The following CSMD1 variants were observed in gnomAD, a reference collection of about 807,000 sequenced individuals.
The protein encoded by CSMD1 is CUB and Sushi multiple domains 1.
In CSMD1, 213 loss-of-function variants were observed where a neutral mutation model predicts 417.5. The observed-to-expected ratio is 0.51, with a 90% confidence interval of 0.46 to 0.57. The LOEUF is 0.57. Among genes scored for constraint, CSMD1 ranks in the 20% least tolerant of loss-of-function variants. The pLI is 0.00. For synonymous variants in CSMD1, 2,862 were observed against 1,736.8 expected (o/e 1.65, Z -16.11); for missense variants, 6,923 against 4,529.7 (o/e 1.53, Z -15.17).
chr8:3,979,706 G>C (rs1056509335), intron 5 of CSMD1, among the ~76,000 whole-genome samples: 2 of 152,220 alleles, frequency 1.3e-5, no homozygotes, highest in Non-Finnish European at 2.9e-5. Flanking sequence ...TGCGTACCCA[G>C]AACTGAATAA....
chr8:4,211,062 A>G lies in CSMD1; in HGVS notation c.416-178963T>C, dbSNP rs551272803. The stretch of plus-strand genomic sequence containing the variant: ...ATACAAACACATTTCCTTCCTTAAG[A>G]AATTCATGTTCACATATCATTGTAC... On this transcript the variant is annotated intron_variant, in intron 3 of 69. Coordinates refer to ENST00000635120, the MANE Select transcript of CSMD1 (RefSeq NM_033225.6). Among the ~76,000 whole-genome samples the G allele has an allele frequency of 2.2e-4, 33 of 152,352 alleles. 1 individual carries two copies. Among genetic ancestry groups the G allele is most frequent in the African/African-American group, 7.0e-4 (29 of 41,588 alleles).
rs191604154 is a variant in CSMD1 at position 3,012,109 on chromosome 8, G to A, written c.8029+6368C>T. Among the ~76,000 whole-genome samples, 139 of 152,280 alleles carry A rather than the reference G, an allele frequency of 9.1e-4. 1 individual carries two copies. Among genetic ancestry groups the A allele is most frequent in the African/African-American group, 3.2e-3 (132 of 41,556 alleles). On this transcript the variant is annotated intron_variant, in intron 52 of 69. Coordinates refer to ENST00000635120, the MANE Select transcript of CSMD1 (RefSeq NM_033225.6). Reference sequence around the variant, plus strand: ...TCCCAGTAATAACGCAGGAGTGATCGTGTTGATGAAGGTGGGCTAAATTTT... The same window carrying A: ...TCCCAGTAATAACGCAGGAGTGATCATGTTGATGAAGGTGGGCTAAATTTT...
At chr8:4,092,601 C>G (rs147900756) in intron 3 of CSMD1, among the ~76,000 whole-genome samples, 1 of 152,156 alleles carries the variant, frequency 6.6e-6, no homozygotes, top group African/African-American at 2.4e-5. Context: ...AGCATATCAT[C>G]TTAAGCAATT....
intron 5 of CSMD1, among the ~76,000 whole-genome samples, chr8:3,770,399 C>T (rs752884968): frequency 3.0e-4 from 46 of 152,102 alleles, no homozygotes; most frequent in Non-Finnish European, 5.9e-4. Context: ...CACGGTGGTG[C>T]GTGCCTGTAA....
chr8:4,119,902 G>C (rs979723736), intron 3 of CSMD1, among the ~76,000 whole-genome samples: 6 of 152,144 alleles, frequency 3.9e-5, no homozygotes, highest in Non-Finnish European at 7.3e-5. Context: ...GCCGGAGTCT[G>C]GTAAGGGTAG....
At chr8:4,780,438 TAC>T (rs1797095582) in intron 1 of CSMD1, among the ~76,000 whole-genome samples, 1 of 152,170 alleles carries the variant, frequency 6.6e-6, no homozygotes, top group African/African-American at 2.4e-5. Context: ...TCTGTCTGTC[TAC>T]CTACCTACCT....
intron 3 of CSMD1, among the ~76,000 whole-genome samples, chr8:4,083,109 T>C (rs982343058): frequency 2.6e-5 from 4 of 152,122 alleles, no homozygotes; most frequent in South Asian, 2.1e-4. Flanking sequence ...GCATGATTTA[T>C]AGTCCTTTTA....
At chr8:3,864,346 T>C (rs182799023) in intron 5 of CSMD1, among the ~76,000 whole-genome samples, 7 of 125,150 alleles carry the variant, frequency 5.6e-5, no homozygotes, top group African/African-American at 1.2e-4. Context: ...AGACGATGCA[T>C]AGATAACCAC....
intron 1 of CSMD1, among the ~76,000 whole-genome samples, chr8:4,991,034 T>A (rs193251428): frequency 6.6e-6 from 1 of 152,284 alleles, no homozygotes; most frequent in East Asian, 1.9e-4. Context: ...AGTAGTGTTG[T>A]GTGTGCTCTC....
rs1199864472 is a variant in CSMD1 at position 3,926,088 on chromosome 8, C to A, written c.818+71815G>T. 1.9e-4 allele frequency among the ~76,000 whole-genome samples: 6 copies of A among 31,238 alleles called. No individual in the cohort carries two copies. In the African/African-American group the frequency reaches 2.5e-3, roughly 13 times the overall value. The allele number at this position is 31,238 out of a possible 152,430, so 20.5% of individuals were successfully genotyped here. A position where few individuals can be genotyped will look rare whatever the true frequency, so the allele number is the denominator to read the frequency against. On this transcript the variant is annotated intron_variant, in intron 5 of 69. Coordinates refer to ENST00000635120, the MANE Select transcript of CSMD1 (RefSeq NM_033225.6). ...CACACACACACAAACACCATACACACACACACACACACACACACACACACA... is the reference window on the plus strand; with the variant it reads ...CACACACACACAAACACCATACACAAACACACACACACACACACACACACA...
intron 7 of CSMD1, among the ~76,000 whole-genome samples, chr8:3,687,157 C>A (rs546009560): frequency 8.7e-4 from 132 of 152,366 alleles, no homozygotes; most frequent in African/African-American, 3.1e-3. Flanking sequence ...AAGCATCACA[C>A]CTCTGAACGC....
intron 3 of CSMD1, among the ~76,000 whole-genome samples, chr8:4,207,932 C>G (rs1489959550): frequency 1.3e-5 from 2 of 152,068 alleles, no homozygotes; most frequent in Admixed American, 1.3e-4. Flanking sequence ...TAGTCTATTT[C>G]TTCCATGCCT....
chr8:4,219,832 G>C (rs950736258), intron 3 of CSMD1, among the ~76,000 whole-genome samples: 6 of 152,154 alleles, frequency 3.9e-5, no homozygotes, highest in African/African-American at 1.4e-4. Context: ...TTATCTGTAA[G>C]TTACTTTTAT....
chr8:4,960,351 A>G (rs1026907982), intron 1 of CSMD1, among the ~76,000 whole-genome samples: 12 of 152,202 alleles, frequency 7.9e-5, no homozygotes, highest in Admixed American at 3.9e-4. Context: ...TTAGAAGAGA[A>G]TAAGAAATAT....
intron 43 of CSMD1, among the ~76,000 whole-genome samples, chr8:3,109,406 G>A (rs908767838): frequency 2.0e-5 from 3 of 152,178 alleles, no homozygotes; most frequent in Non-Finnish European, 2.9e-5. Flanking sequence ...TTTCATTGTG[G>A]TCAACCTAAT....
intron 5 of CSMD1, among the ~76,000 whole-genome samples, chr8:3,862,510 C>T (rs776111599): frequency 6.6e-6 from 1 of 152,170 alleles, no homozygotes; most frequent in African/African-American, 2.4e-5. Context: ...CCAGACCTTA[C>T]AACTGTTTGC....
intron 7 of CSMD1, among the ~76,000 whole-genome samples, chr8:3,661,048 G>C (rs1010796707): frequency 2.8e-4 from 43 of 152,316 alleles, no homozygotes; most frequent in African/African-American, 5.8e-4. Context: ...CCACCGCTAA[G>C]CCTTGAAATG....
chr8:4,683,038 A>G (rs1267864206), intron 1 of CSMD1, among the ~76,000 whole-genome samples: 1 of 148,662 alleles, frequency 6.7e-6, no homozygotes, highest in East Asian at 2.0e-4. Context: ...CTTGTGAAAT[A>G]TAAGTATTAG....
chr8:3,421,900 AG>A (rs1304639499), intron 12 of CSMD1, among the ~76,000 whole-genome samples: 1 of 145,782 alleles, frequency 6.9e-6, no homozygotes. Context: ...GGCCGCCCAA[AG>A]TGCTGGGATT....
Sources: allele counts gnomAD v4.1 joint callset (sites outside exome capture counted in the v4.1 genomes callset), GRCh38; gene constraint gnomAD v4.1.1; transcripts MANE v1.5; gene names NCBI Gene and HGNC (gene_info 2026-07-23, HGNC 2026-07-21).